Variants in TENM4 observed in about 807,000 individuals in gnomAD.
TENM4 encodes teneurin transmembrane protein 4.
In TENM4, 82 loss-of-function variants were observed where a neutral mutation model predicts 243.3. That is an observed-to-expected ratio of 0.34 (90% CI 0.28 to 0.40). The LOEUF (loss-of-function observed/expected upper bound fraction) is 0.40, where lower values mean the gene tolerates loss of function less well. Among genes scored for constraint, TENM4 ranks in the 10% least tolerant of loss-of-function variants. The pLI is 1.00. For synonymous variants in TENM4, 1,412 were observed against 1,456.3 expected (o/e 0.97, Z 0.69); for missense variants, 3,138 against 3,673.3 (o/e 0.85, Z 3.77).
chr11:79,085,554 T>C (rs999812965), intron 4 of TENM4, among the ~76,000 whole-genome samples: 6 of 152,112 alleles, frequency 3.9e-5, no homozygotes, highest in African/African-American at 1.2e-4. Context: ...AGGGTTGTCT[T>C]GAGGCTCAAA....
At chr11:78,718,655 T>G (rs560922648) in intron 25 of TENM4, among the ~76,000 whole-genome samples, 2 of 152,220 alleles carry the variant, frequency 1.3e-5, no homozygotes, top group Admixed American at 6.5e-5. Context: ...AATGTACTTC[T>G]GTGTTTTCTG....
chr11:78,671,485 C>CTAGA (rs781109781), intron 31 of TENM4, among the ~76,000 whole-genome samples: 4 of 152,234 alleles, frequency 2.6e-5, no homozygotes, highest in Non-Finnish European at 4.4e-5. Flanking sequence ...GATAAAAGGC[C>CTAGA]TAGAGGCTTT....
At chr11:79,321,456 T>C (rs1856887297) in intron 1 of TENM4, among the ~76,000 whole-genome samples, 1 of 151,968 alleles carries the variant, frequency 6.6e-6, no homozygotes, top group African/African-American at 2.4e-5. Flanking sequence ...ATGTCCCAAA[T>C]GATTCATCTG....
At chr11:79,165,002 T>A (rs538458095) in intron 3 of TENM4, among the ~76,000 whole-genome samples, 1 of 151,930 alleles carries the variant, frequency 6.6e-6, no homozygotes, top group South Asian at 2.1e-4. Flanking sequence ...TGTGTATACA[T>A]ATATATACAT....
intron 9 of TENM4, among the ~76,000 whole-genome samples, chr11:78,879,778 C>A (rs1188188728): frequency 1.3e-5 from 2 of 151,954 alleles, no homozygotes; most frequent in Non-Finnish European, 2.9e-5. Context: ...GCCGCCCTGT[C>A]TGGGATGTGA....
intron 1 of TENM4, among the ~76,000 whole-genome samples, chr11:79,308,846 C>T (rs1342235578): frequency 6.6e-6 from 1 of 152,174 alleles, no homozygotes; most frequent in Non-Finnish European, 1.5e-5. Context: ...ATGGGAATAA[C>T]CACACCCACT....
intron 6 of TENM4, among the ~76,000 whole-genome samples, chr11:78,987,248 A>C (rs934593791): frequency 6.6e-6 from 1 of 152,230 alleles, no homozygotes; most frequent in African/African-American, 2.4e-5. Flanking sequence ...AATGTCTATC[A>C]ACAGGTGAAC....
intron 9 of TENM4, among the ~76,000 whole-genome samples, chr11:78,886,181 C>T (rs560613576): frequency 6.6e-6 from 1 of 152,248 alleles, no homozygotes; most frequent in Admixed American, 6.5e-5. Flanking sequence ...TCACTCATTA[C>T]AGTAATTAAT....
At chr11:79,421,519 C>A (rs1590954550) in intron 1 of TENM4, among the ~76,000 whole-genome samples, 2 of 152,058 alleles carry the variant, frequency 1.3e-5, no homozygotes, top group Non-Finnish European at 2.9e-5. Flanking sequence ...ATAAGTGTTC[C>A]TAGCTAATTT....
At chr11:78,980,398 A>T (rs1857764879) in intron 6 of TENM4, among the ~76,000 whole-genome samples, 1 of 152,204 alleles carries the variant, frequency 6.6e-6, no homozygotes, top group African/African-American at 2.4e-5. Flanking sequence ...GAGAGCCAGG[A>T]GGTGGCCCCA....
At chr11:79,265,455 C>T (rs1379252317) in intron 2 of TENM4, among the ~76,000 whole-genome samples, 1 of 152,158 alleles carries the variant, frequency 6.6e-6, no homozygotes, top group Non-Finnish European at 1.5e-5. Context: ...CAAGAATTTA[C>T]ATTTTTCTTA....
chr11:79,406,756 G>C (rs990271559), intron 1 of TENM4, among the ~76,000 whole-genome samples: 1 of 152,034 alleles, frequency 6.6e-6, no homozygotes, highest in African/African-American at 2.4e-5. Context: ...TGGCTCCTAA[G>C]TCTTATTTGA....
intron 3 of TENM4, among the ~76,000 whole-genome samples, chr11:79,162,482 T>C (rs942480740): frequency 2.0e-5 from 3 of 149,958 alleles, no homozygotes; most frequent in Non-Finnish European, 4.5e-5. Context: ...TATTTATTTA[T>C]TTATTTATTA....
At chr11:78,683,788 A>G (rs529527536) in intron 29 of TENM4, among the ~76,000 whole-genome samples, 71 of 152,252 alleles carry the variant, frequency 4.7e-4, no homozygotes, top group Middle Eastern at 3.4e-3. Flanking sequence ...CTATTCGGCC[A>G]TCTTGGCTCC....
intron 6 of TENM4, among the ~76,000 whole-genome samples, chr11:79,036,272 T>A (rs1859375076): frequency 6.6e-6 from 1 of 152,222 alleles, no homozygotes. Context: ...TCTCCTTTGC[T>A]TATATAAACT....
intron 21 of TENM4, among the ~76,000 whole-genome samples, chr11:78,730,357 C>T (rs916135631): frequency 2.6e-5 from 4 of 152,190 alleles, no homozygotes; most frequent in African/African-American, 9.7e-5. Context: ...ATTAAACAGA[C>T]ACTACGAGAT....
chr11:79,421,788 C>A (rs559054967), intron 1 of TENM4, among the ~76,000 whole-genome samples: 53 of 151,776 alleles, frequency 3.5e-4, no homozygotes, highest in African/African-American at 1.1e-3. Context: ...TCCTTTCAAA[C>A]CAGGATGTCT....
At chr11:79,280,912 A>G (rs971808598) in intron 2 of TENM4, among the ~76,000 whole-genome samples, 1 of 152,184 alleles carries the variant, frequency 6.6e-6, no homozygotes, top group Non-Finnish European at 1.5e-5. Context: ...AAATAAACAC[A>G]TAAAATGAGG....
At chr11:79,052,672 A>C (rs1273575157) in intron 6 of TENM4, among the ~76,000 whole-genome samples, 1 of 152,206 alleles carries the variant, frequency 6.6e-6, no homozygotes, top group African/African-American at 2.4e-5. Context: ...TAACAGCAGC[A>C]TCCATCACAG....
Sources: allele counts gnomAD v4.1 joint callset (sites outside exome capture counted in the v4.1 genomes callset), GRCh38; gene constraint gnomAD v4.1.1; transcripts MANE v1.5; gene names NCBI Gene and HGNC (gene_info 2026-07-23, HGNC 2026-07-21).